FARP2: variants seen among roughly 807,000 people sequenced by gnomAD.
FARP2 encodes FERM, ARH/RhoGEF and pleckstrin domain protein 2.
FARP2 carries 111 observed loss-of-function variants against 130.5 expected under a neutral mutation model. The ratio of observed to expected loss-of-function variants is 0.85; its 90% confidence interval spans 0.73 to 1.00. The LOEUF is 1.00. Ranked by LOEUF, FARP2 falls within the 50% of genes least tolerant of loss-of-function variation. The pLI is 0.00. For synonymous variants in FARP2, 504 were observed against 516.9 expected, an observed-to-expected ratio of 0.98 and a Z score of 0.34; for missense variants, 1,385 against 1,346.3, an observed-to-expected ratio of 1.03 and a Z score of -0.45.
chr2:241,488,186 G>A (rs2064804337), intron 21 of FARP2: 1 of 152,106 alleles, frequency 6.6e-6, no homozygotes, highest in Non-Finnish European at 1.5e-5. Context: ...ATGGTCGTAT[G>A]GGCACTTGAA....
At chr2:241,484,376 G>A (rs1490281380) in intron 21 of FARP2, 45 bp downstream of exon 21, 2 of 1,519,828 alleles carry the variant, frequency 1.3e-6, no homozygotes, top group South Asian at 1.1e-5. Flanking sequence ...GTGGTGCTGG[G>A]CTGGGCCCCA....
chr2:241,422,999 A>G (rs1425925198), intron 8 of FARP2, among the ~76,000 whole-genome samples: 2 of 152,220 alleles, frequency 1.3e-5, no homozygotes, highest in Non-Finnish European at 1.5e-5. Flanking sequence ...GGGTTACCCA[A>G]AAGAGACAGG....
At chr2:241,414,607 C>T (rs908857867) in intron 7 of FARP2, among the ~76,000 whole-genome samples, 2 of 152,306 alleles carry the variant, frequency 1.3e-5, no homozygotes, top group Non-Finnish European at 2.9e-5. Flanking sequence ...TACCTTACCC[C>T]GTAAGATTGT....
At chr2:241,485,255 G>A (rs1007738085) in intron 21 of FARP2, among the ~76,000 whole-genome samples, 2 of 148,904 alleles carry the variant, frequency 1.3e-5, no homozygotes, top group African/African-American at 5.0e-5. Context: ...CCCTCCCTGG[G>A]ATCCTCCTTT....
chr2:241,380,256 G>A (rs777110832), intron 2 of FARP2, among the ~76,000 whole-genome samples: 2 of 152,164 alleles, frequency 1.3e-5, no homozygotes, highest in Admixed American at 6.5e-5. Context: ...ACCTGGACTC[G>A]CACACCATTT....
At chr2:241,452,535 G>T (rs1311172834) in intron 13 of FARP2, among the ~76,000 whole-genome samples, 2 of 152,146 alleles carry the variant, frequency 1.3e-5, no homozygotes, top group African/African-American at 4.8e-5. Flanking sequence ...AGGCACAGTG[G>T]TGCATGCCTG....
rs189307636 is a variant in FARP2 at position 241,391,861 on chromosome 2, C to A, written c.184-11967C>A. Among the ~76,000 whole-genome samples, 5 of 152,226 alleles carry A rather than the reference C, an allele frequency of 3.3e-5. No individual in the cohort carries two copies. The East Asian group carries it at 9.6e-4, about 29-fold the overall frequency. ...AGAATACCATTGAATCGTTCAAGGG[C>A]CAGTCAGGAGACAGAAACTGTACCA... On this transcript the variant is annotated intron_variant, in intron 2 of 26. Coordinates refer to ENST00000264042, the MANE Select transcript of FARP2 (RefSeq NM_014808.4).
intron 2 of FARP2, among the ~76,000 whole-genome samples, chr2:241,379,959 T>G (rs1226388067): frequency 6.6e-6 from 1 of 152,208 alleles, no homozygotes; most frequent in Non-Finnish European, 1.5e-5. Flanking sequence ...GACATTTTTA[T>G]TCTTAGTTTT....
In FARP2 at chr2:241,475,975, T is replaced by A. The variant is rs1490570886; in HGVS notation, c.2250T>A (p.Ile750=). 1 of 1,613,064 alleles carries A rather than the reference T, an allele frequency of 6.2e-7. No homozygotes were observed. Among genetic ancestry groups the A allele is most frequent in the African/African-American group, 1.3e-5 (1 of 74,986 alleles). The change falls in exon 19 of 27, where the codon ATT becomes ATA. Residue 750 remains isoleucine (I), a synonymous_variant. Transcript: ENST00000264042. The surrounding 1 kb of genome is among the most constrained non-coding windows in gnomAD (Gnocchi z 4.4). ...ACCTGGTGGGCATAGAGAACCTCAT[T>A]GCTCCTGGCAGGGTGAGTGACCTTG... ...QRDLVGIENL[I]APGREFIREG... is the part of the protein sequence containing the mutation.
chr2:241,422,295 C>T (rs371881740), intron 8 of FARP2, among the ~76,000 whole-genome samples: 8 of 146,308 alleles, frequency 5.5e-5, no homozygotes, highest in African/African-American at 7.6e-5. Flanking sequence ...CCACGCACAG[C>T]GGTAGGCTGA....
At position 241,453,768 on chromosome 2, in the gene FARP2, G is replaced by GTT. The variant is rs1559786201; in HGVS notation, c.1412-2979_1412-2978insTT. ...TTGTTTACTGGGAGTGGCACTTACT[G>GTT]GTTTTTTTTTTTTTTTTTTTTTTTT... On this transcript the variant is annotated intron_variant, in intron 13 of 26. Transcript: ENST00000264042. Among the ~76,000 whole-genome samples the GTT allele has an allele frequency of 9.0e-5, 9 of 99,882 alleles. 1 individual carries two copies. Among genetic ancestry groups the GTT allele is most frequent in the Admixed American group, 3.8e-4 (3 of 7,838 alleles). The allele number at this position is 99,882 out of a possible 152,430, so 65.5% of individuals were successfully genotyped here. A position where few individuals can be genotyped will look rare whatever the true frequency, so the allele number is the denominator to read the frequency against.
intron 7 of FARP2, among the ~76,000 whole-genome samples, chr2:241,416,921 C>CGAGT (rs2062688080): frequency 6.6e-6 from 1 of 151,390 alleles, no homozygotes; most frequent in Non-Finnish European, 1.5e-5. Context: ...AACGAATGAG[C>CGAGT]GAGTGAGTGG....
rs1167750549 is a variant in FARP2 at position 241,487,746 on chromosome 2, CTTT to C, written c.2422-2197_2422-2195del. Among the ~76,000 whole-genome samples the C allele has an allele frequency of 8.6e-4, 63 of 73,212 alleles. 1 individual carries two copies. Among genetic ancestry groups the C allele is most frequent in the African/African-American group, 3.1e-3 (58 of 18,912 alleles). 48.0% of individuals were successfully genotyped at this position (73,212 alleles called of 152,430 possible). A position where few individuals can be genotyped will look rare whatever the true frequency, so the allele number is the denominator to read the frequency against. On this transcript the variant is annotated intron_variant, in intron 21 of 26. Transcript: ENST00000264042. Reference sequence around the variant, plus strand: ...ATGTCATAGCTTAGCCTAGCCTACTCTTTTTTTTTTTTTTTTTTTTTGAGATGG... The same window carrying C: ...ATGTCATAGCTTAGCCTAGCCTACTCTTTTTTTTTTTTTTTTTTGAGATGG...
Position 241,494,124 on chromosome 2 carries a change from G to GAA in FARP2, c.3165_*1insAA. The GAA allele has an allele frequency of 6.8e-7, 1 of 1,474,282 alleles. No homozygotes were observed. The highest frequency in any genetic ancestry group is 8.9e-7 in the Non-Finnish European group (1 of 1,117,822). The allele number at this position is 1,474,282 out of a possible 1,614,324, so 91.3% of individuals were successfully genotyped here. Residue 1055 remains the stop codon, a frameshift_variant and stop_retained_variant, in exon 27 of 27, where the codon TGA becomes TGAAA. Coordinates refer to ENST00000264042, the MANE Select transcript of FARP2 (RefSeq NM_014808.4). LOFTEE classifies it high-confidence loss of function. This position sits in a 1 kb window ranked among gnomAD's most constrained non-coding sequence, Gnocchi z 4.9. The part of the protein sequence containing the change: ...LEGMVRGKEE[*] ...GGGATGGTCAGGGGGAAGGAGGAAT[G>GAA]ACGCTCAACCTGCCCAGGTTTGGAC... is the stretch of plus-strand genomic sequence containing the variant.
chr2:241,387,996 C>G (rs2061828105), intron 2 of FARP2, among the ~76,000 whole-genome samples: 1 of 152,084 alleles, frequency 6.6e-6, no homozygotes, highest in Non-Finnish European at 1.5e-5. Flanking sequence ...TGGCAATACT[C>G]TCAAACTGCT....
intron 6 of FARP2, among the ~76,000 whole-genome samples, chr2:241,412,596 CAG>C (rs1268536620): frequency 6.6e-6 from 1 of 152,028 alleles, no homozygotes; most frequent in Non-Finnish European, 1.5e-5. Context: ...TGAAATTAGA[CAG>C]AGACATTATT....
chr2:241,400,273 G>A (rs980010330), intron 2 of FARP2, among the ~76,000 whole-genome samples: 2 of 152,208 alleles, frequency 1.3e-5, no homozygotes, highest in African/African-American at 4.8e-5. Flanking sequence ...GCCACCTGAA[G>A]TGCACACTCA....
intron 14 of FARP2, among the ~76,000 whole-genome samples, chr2:241,460,448 T>G (rs2010169): frequency 0.26 from 26,635 of 103,922 alleles, 2,733 homozygotes; most frequent in Admixed American, 0.44. Context: ...TTGGCTAACC[T>G]TTTTTTTTTT....
intron 8 of FARP2, among the ~76,000 whole-genome samples, chr2:241,420,735 T>C (rs2062785498): frequency 1.3e-5 from 2 of 152,184 alleles, no homozygotes; most frequent in African/African-American, 2.4e-5. Context: ...TCTGCTACTT[T>C]TTAGCAGGTT....
Sources: allele counts gnomAD v4.1 joint callset (sites outside exome capture counted in the v4.1 genomes callset), GRCh38; gene constraint gnomAD v4.1.1; non-coding constraint Gnocchi (gnomAD v3.1); transcripts MANE v1.5; gene names NCBI Gene and HGNC (gene_info 2026-07-23, HGNC 2026-07-21).